Variants in COA8 observed in about 807,000 individuals in gnomAD.
COA8 encodes UPF0671 protein C14orf153.
A neutral mutation model predicts 22.0 loss-of-function variants in COA8; 20 were observed. The observed-to-expected ratio is 0.91, with a 90% CI of 0.64 to 1.32. The LOEUF (loss-of-function observed/expected upper bound fraction) is 1.32. Among genes scored for constraint, COA8 ranks in the 40% most tolerant of loss-of-function variants. The pLI, the probability that COA8 is intolerant of heterozygous loss-of-function variation, is 0.00. For missense variants in COA8, 266 were observed against 230.0 expected (o/e 1.16, Z -1.01); for synonymous variants, 105 against 79.9 (o/e 1.31, Z -1.68).
Position 103,590,073 on chromosome 14 carries a change from A to C in COA8, c.477-108A>C, listed in dbSNP as rs2076339005. 4.8e-6 allele frequency: 4 copies of C among 838,324 alleles called. No homozygotes were observed. In the Admixed American group the frequency reaches 6.2e-5, roughly 13 times the overall value. The allele number at this position is 838,324 out of a possible 1,614,324, so 51.9% of individuals were successfully genotyped here. A position where few individuals can be genotyped will look rare whatever the true frequency, so the allele number is the denominator to read the frequency against. ...GGGCAGGGAAAGGGCAAAGCAGTTG[A>C]GGCCTGGTCAGTTGAACTCATCCTC... On this transcript the variant is annotated intron_variant, in intron 4 of 4. Transcript: ENST00000409074.
intron 1 of COA8, among the ~76,000 whole-genome samples, chr14:103,568,928 G>A (rs549780548): frequency 6.6e-5 from 10 of 152,106 alleles, no homozygotes; most frequent in Admixed American, 2.6e-4. Context: ...CACCGCGCCC[G>A]GCTGAAAAAA....
chr14:103,585,362 C>T (rs1452939954), intron 3 of COA8, among the ~76,000 whole-genome samples: 1 of 150,680 alleles, frequency 6.6e-6, no homozygotes, highest in Non-Finnish European at 1.5e-5. Context: ...ACCTGTAATC[C>T]CAGCTACTCG....
chr14:103,572,501 G>A (rs2076195228), intron 2 of COA8, among the ~76,000 whole-genome samples: 1 of 152,064 alleles, frequency 6.6e-6, no homozygotes, highest in Non-Finnish European at 1.5e-5. Context: ...AGGCTGAGAG[G>A]GGTGGATCAC....
intron 1 of COA8, among the ~76,000 whole-genome samples, chr14:103,566,057 C>T (rs1474545496): frequency 6.6e-6 from 1 of 152,146 alleles, no homozygotes; most frequent in Non-Finnish European, 1.5e-5. Flanking sequence ...AAGAACAAGC[C>T]ATTTTAACCC....
intron 3 of COA8, among the ~76,000 whole-genome samples, chr14:103,580,474 ATTTTTGT>A (rs886623722): frequency 2.0e-5 from 3 of 150,738 alleles, no homozygotes; most frequent in Non-Finnish European, 3.0e-5. Context: ...TACCCAGCTA[ATTTTTGT>A]TTTTTGTTTT....
At position 103,563,097 on chromosome 14, in the gene COA8, C is replaced by G. The variant is rs1157855665; in HGVS notation, c.96C>G (p.Ala32=). 2 of 1,539,804 alleles carry G rather than the reference C, an allele frequency of 1.3e-6. No homozygotes were observed. The highest frequency in any genetic ancestry group is 1.9e-5 in the Admixed American group (1 of 51,436). Residue 32 remains alanine, a synonymous_variant, in exon 1 of 5, where the codon GCC becomes GCG. Coordinates refer to ENST00000409074, the MANE Select transcript of COA8 (RefSeq NM_001370595.2). The part of the protein sequence containing the change: ...RGCQLAPERG[A]ERRDTAPSGV... ...GTCAACTCGCTCCGGAGCGCGGCGC[C>G]GAGCGCAGGGATACGGCGCCCAGCG...
chr14:103,580,892 G>A (rs537337722), intron 3 of COA8, among the ~76,000 whole-genome samples: 16 of 151,558 alleles, frequency 1.1e-4, no homozygotes, highest in African/African-American at 3.9e-4. Flanking sequence ...TGCCTCCTTG[G>A]TTCAAGGAAT....
chr14:103,563,733 A>G lies in COA8; in HGVS notation c.123+609A>G, dbSNP rs75911633. On this transcript the variant is annotated intron_variant, in intron 1 of 4. Coordinates refer to ENST00000409074, the MANE Select transcript of COA8 (RefSeq NM_001370595.2). ...GGCCTTGATTCCGTCTGTCAGATGA[A>G]AATGTTGACTAACGGTGTGGAATGG... Among the ~76,000 whole-genome samples the G allele has an allele frequency of 3.9e-5, 6 of 152,344 alleles. No homozygotes were observed. The South Asian group carries it at 6.2e-4, about 16-fold the overall frequency.
At chr14:103,571,915 C>T (rs2076190352) in intron 2 of COA8, 95 bp downstream of exon 2, 3 of 1,055,550 alleles carry the variant, frequency 2.8e-6, no homozygotes, top group Non-Finnish European at 4.1e-6. Flanking sequence ...ATCACGAGGT[C>T]AGGAGATCGA....
chr14:103,566,499 G>A (rs1057458762), intron 1 of COA8, among the ~76,000 whole-genome samples: 3 of 152,212 alleles, frequency 2.0e-5, no homozygotes, highest in Non-Finnish European at 4.4e-5. Flanking sequence ...TTTGAAAACC[G>A]TGTCCTGTAT....
chr14:103,579,199 G>C (rs1162055909), intron 3 of COA8, among the ~76,000 whole-genome samples: 3 of 151,770 alleles, frequency 2.0e-5, no homozygotes, highest in Non-Finnish European at 2.9e-5. Context: ...CCCAGTGAAT[G>C]CCTAAGACTG....
At chr14:103,575,444 G>A (rs933783101) in intron 3 of COA8, among the ~76,000 whole-genome samples, 1 of 152,176 alleles carries the variant, frequency 6.6e-6, no homozygotes, top group African/African-American at 2.4e-5. Flanking sequence ...GCCTGCTCTG[G>A]CAGCTGTTGA....
chr14:103,590,431 T>A lies in COA8; in HGVS notation c.*145T>A. ...CCCCATGGCCTGTTTGGGGGCAGGG[T>A]AGGTCCTGGGGCACTGTGGGCCGCC... On this transcript the variant is annotated 3_prime_UTR_variant, in exon 5 of 5. Transcript: ENST00000409074. 3 of 707,048 alleles carry A rather than the reference T, an allele frequency of 4.2e-6. No individual in the cohort carries two copies. The highest frequency in any genetic ancestry group is 7.0e-6 in the Non-Finnish European group (3 of 431,646). The allele number at this position is 707,048 out of a possible 1,614,324, so 43.8% of individuals were successfully genotyped here. A position where few individuals can be genotyped will look rare whatever the true frequency, so the allele number is the denominator to read the frequency against.
In COA8 at chr14:103,563,039, C is replaced by CT; in HGVS notation, c.38_39insT (p.Leu15SerfsTer40). The CT allele has an allele frequency of 3.2e-6, 5 of 1,545,362 alleles. No individual in the cohort carries two copies. The highest frequency in any genetic ancestry group is 3.5e-6 in the Non-Finnish European group (4 of 1,151,192). ...CGGGCGGGGAAGAAGACCTTTCTCC[C>CT]CCCTCTCTGCCGCGCCTTCGCCTGC... On this transcript the variant is annotated frameshift_variant, in exon 1 of 5. Coordinates refer to ENST00000409074, the MANE Select transcript of COA8 (RefSeq NM_001370595.2). LOFTEE classifies it high-confidence loss of function.
At chr14:103,580,754 A>G (rs1173818740) in intron 3 of COA8, among the ~76,000 whole-genome samples, 4 of 150,658 alleles carry the variant, frequency 2.7e-5, no homozygotes, top group Admixed American at 2.0e-4. Flanking sequence ...CAGCCTCCCA[A>G]AGTGCTGGGA....
At chr14:103,576,919 A>C (rs747307668) in intron 3 of COA8, among the ~76,000 whole-genome samples, 1 of 152,236 alleles carries the variant, frequency 6.6e-6, no homozygotes, top group Non-Finnish European at 1.5e-5. Context: ...TGTCCCGGAA[A>C]TGTGAGGAAG....
intron 1 of COA8, among the ~76,000 whole-genome samples, chr14:103,570,362 A>G (rs1262167155): frequency 2.0e-5 from 3 of 152,166 alleles, no homozygotes; most frequent in African/African-American, 7.2e-5. Flanking sequence ...GGGTCCCCCC[A>G]CTATAACTCC....
intron 2 of COA8, 129 bp from the exon 3 acceptor site, chr14:103,573,978 C>G (rs1330066824): frequency 8.1e-7 from 1 of 1,227,184 alleles, no homozygotes; most frequent in African/African-American, 1.5e-5. Flanking sequence ...AGATGGGTCA[C>G]TAGCTTCTCA....
rs533683167 is a variant in COA8 at position 103,583,428 on chromosome 14, C to T, written c.386-3846C>T. On this transcript the variant is annotated intron_variant, in intron 3 of 4. Coordinates refer to ENST00000409074, the MANE Select transcript of COA8 (RefSeq NM_001370595.2). ...TGGTGGCGGGCGCCTGTAATCCCAG[C>T]TACTCGGGAGGCTGAAGCAGGAGAA... 2.7e-5 allele frequency among the ~76,000 whole-genome samples: 4 copies of T among 150,514 alleles called. No individual in the cohort carries two copies. In the South Asian group the frequency reaches 8.4e-4, roughly 31 times the overall value.
Sources: allele counts gnomAD v4.1 joint callset (sites outside exome capture counted in the v4.1 genomes callset), GRCh38; gene constraint gnomAD v4.1.1; transcripts MANE v1.5; gene names NCBI Gene and HGNC (gene_info 2026-07-23, HGNC 2026-07-21).